The following CCDC148 variants were observed in gnomAD, a reference collection of about 807,000 sequenced individuals.
The protein encoded by CCDC148 is coiled-coil domain containing 148.
CCDC148 carries 89 observed loss-of-function variants against 85.7 expected under a neutral mutation model. The observed-to-expected ratio is 1.04, with a 90% confidence interval of 0.87 to 1.24. The LOEUF (loss-of-function observed/expected upper bound fraction) is 1.24, where lower values mean the gene tolerates loss of function less well. Ranked by LOEUF, CCDC148 falls within the 50% of genes most tolerant of loss-of-function variation. The pLI is 0.00. For missense variants in CCDC148, 692 were observed against 671.7 expected, an observed-to-expected ratio of 1.03 and a Z score of -0.33; for synonymous variants, 230 against 213.9, an observed-to-expected ratio of 1.08 and a Z score of -0.66.
chr2:158,389,036 A>T (rs1440104907), intron 1 of CCDC148, among the ~76,000 whole-genome samples: 1 of 152,114 alleles, frequency 6.6e-6, no homozygotes, highest in Non-Finnish European at 1.5e-5. Context: ...CACAAAGGTA[A>T]CTCTTGGCAC....
At chr2:158,296,441 T>A (rs1691192392) in intron 9 of CCDC148, among the ~76,000 whole-genome samples, 1 of 152,224 alleles carries the variant, frequency 6.6e-6, no homozygotes. Context: ...TACATTTTTT[T>A]AATGGCTATG....
At chr2:158,367,366 A>G (rs1252589521) in intron 1 of CCDC148, among the ~76,000 whole-genome samples, 3 of 152,102 alleles carry the variant, frequency 2.0e-5, no homozygotes, top group Non-Finnish European at 4.4e-5. Context: ...TGCCATCTTT[A>G]TCTCATAGGA....
intron 1 of CCDC148, among the ~76,000 whole-genome samples, chr2:158,389,036 A>C (rs1440104907): frequency 6.6e-6 from 1 of 152,114 alleles, no homozygotes; most frequent in Non-Finnish European, 1.5e-5. Context: ...CACAAAGGTA[A>C]CTCTTGGCAC....
chr2:158,176,375 T>C, intron 13 of CCDC148, 146 bp downstream of exon 13: 1 of 682,370 alleles, frequency 1.5e-6, no homozygotes, highest in South Asian at 2.5e-5. Context: ...AGTAATTATG[T>C]ACTATCATTT....
intron 11 of CCDC148, among the ~76,000 whole-genome samples, chr2:158,202,560 G>T (rs571732000): frequency 4.7e-4 from 72 of 152,248 alleles, no homozygotes; most frequent in African/African-American, 1.6e-3. Context: ...TTGTGGAAAC[G>T]GTGCCAAATA....
At chr2:158,403,551 TGACA>T (rs1685876284) in intron 1 of CCDC148, among the ~76,000 whole-genome samples, 1 of 152,062 alleles carries the variant, frequency 6.6e-6, no homozygotes, top group Admixed American at 6.6e-5. Context: ...TTCAGAAACC[TGACA>T]GAGAGCAGCT....
chr2:158,455,989 A>G (rs1688675533), intron 1 of CCDC148, among the ~76,000 whole-genome samples: 1 of 152,232 alleles, frequency 6.6e-6, no homozygotes, highest in African/African-American at 2.4e-5. Context: ...CTTTTGTGAA[A>G]TCATCACAAG....
intron 11 of CCDC148, among the ~76,000 whole-genome samples, chr2:158,205,508 GCTTTATATA>G (rs1382402874): frequency 2.8e-5 from 4 of 145,296 alleles, no homozygotes; most frequent in African/African-American, 1.0e-4. Flanking sequence ...TACTCCGGGT[GCTTTATATA>G]CATCATTTCC....
chr2:158,270,213 A>C (rs2105161607), intron 9 of CCDC148, among the ~76,000 whole-genome samples: 1 of 152,314 alleles, frequency 6.6e-6, no homozygotes, highest in Middle Eastern at 3.4e-3. Flanking sequence ...TCTTCACTAA[A>C]GTCATTTGTA....
At chr2:158,293,920 G>C (rs1447675596) in intron 9 of CCDC148, among the ~76,000 whole-genome samples, 5 of 142,146 alleles carry the variant, frequency 3.5e-5, no homozygotes, top group South Asian at 2.3e-4. Flanking sequence ...AACCAATGAG[G>C]GGCATGGATG....
chr2:158,295,439 C>T (rs1691136081), intron 9 of CCDC148, among the ~76,000 whole-genome samples: 1 of 151,980 alleles, frequency 6.6e-6, no homozygotes, highest in Admixed American at 6.6e-5. Flanking sequence ...AATTTTAGAC[C>T]AATATCCTTG....
In CCDC148 at chr2:158,419,726, G is replaced by C. The variant is rs1017742003; in HGVS notation, c.25+36689C>G. ...CTATGGTAATCAGGAGTATGTGTGA[G>C]AAAGGGGATAGATGTCAGAACTACC... On this transcript the variant is annotated intron_variant, in intron 1 of 13. Transcript: ENST00000283233. 2.0e-5 allele frequency among the ~76,000 whole-genome samples: 3 copies of C among 152,162 alleles called. No homozygotes were observed. The East Asian group carries it at 5.8e-4, about 29-fold the overall frequency.
intron 1 of CCDC148, among the ~76,000 whole-genome samples, chr2:158,440,904 G>C (rs1209234820): frequency 6.6e-6 from 1 of 152,088 alleles, no homozygotes; most frequent in Non-Finnish European, 1.5e-5. Flanking sequence ...AAATGAGCCA[G>C]GCATAGTGGT....
In CCDC148 at chr2:158,198,737, C is replaced by G. The variant is rs535729519; in HGVS notation, c.1371-19741G>C. On this transcript the variant is annotated intron_variant, in intron 11 of 13. Coordinates refer to ENST00000283233, the MANE Select transcript of CCDC148 (RefSeq NM_138803.4). The stretch of plus-strand genomic sequence containing the variant: ...AGCACAGTTTGTAGGATAGAAAAAT[C>G]AGAAACAGTGAACTGAGTTTAAATT... Among the ~76,000 whole-genome samples, 10 of 152,142 alleles carry G rather than the reference C, an allele frequency of 6.6e-5. No homozygotes were observed. The South Asian group carries it at 1.0e-3, about 16-fold the overall frequency.
intron 1 of CCDC148, among the ~76,000 whole-genome samples, chr2:158,379,197 T>G (rs901941241): frequency 6.6e-6 from 1 of 152,142 alleles, no homozygotes; most frequent in Non-Finnish European, 1.5e-5. Flanking sequence ...TTCCAACCCT[T>G]GTAAATAACT....
chr2:158,280,238 C>T (rs1690206031), intron 9 of CCDC148, among the ~76,000 whole-genome samples: 1 of 152,140 alleles, frequency 6.6e-6, no homozygotes, highest in Non-Finnish European at 1.5e-5. Flanking sequence ...AAATAACCAG[C>T]TAACATCATA....
chr2:158,247,795 G>T (rs1688628704), intron 10 of CCDC148, among the ~76,000 whole-genome samples: 1 of 152,278 alleles, frequency 6.6e-6, no homozygotes, highest in East Asian at 1.9e-4. Context: ...GGCAGAAGTT[G>T]CAGTGAGCCA....
At chr2:158,271,124 A>C (rs1443668372) in intron 9 of CCDC148, among the ~76,000 whole-genome samples, 1 of 152,210 alleles carries the variant, frequency 6.6e-6, no homozygotes, top group East Asian at 1.9e-4. Flanking sequence ...CATAATCATC[A>C]TCACTTTCAC....
chr2:158,442,052 T>C (rs1482060735), intron 1 of CCDC148, among the ~76,000 whole-genome samples: 2 of 152,188 alleles, frequency 1.3e-5, no homozygotes, highest in Non-Finnish European at 2.9e-5. Flanking sequence ...TAGAATCTTG[T>C]TATTAGATTT....
Sources: gnomAD v4.1 joint callset for allele counts (sites outside exome capture counted in the v4.1 genomes callset) on GRCh38, gnomAD v4.1.1 for gene constraint, MANE v1.5 for transcripts, NCBI Gene and HGNC (gene_info 2026-07-23, HGNC 2026-07-21) for gene names.